The following NLRC4 variants were observed in gnomAD, a reference collection of about 807,000 sequenced individuals.
The protein encoded by NLRC4 is NLR family CARD domain-containing protein 4.
Under a neutral mutation model 79.9 loss-of-function variants are expected in NLRC4, and 63 were observed. The observed-to-expected ratio is 0.79, with a 90% CI of 0.64 to 0.97. The LOEUF (loss-of-function observed/expected upper bound fraction) is 0.97, where lower values mean the gene tolerates loss of function less well. Ranked by LOEUF, NLRC4 falls within the 50% of genes least tolerant of loss-of-function variation. The probability of loss-of-function intolerance (pLI) is 0.00; values close to 1 mark genes in which losing one functional copy is unlikely to be tolerated. For missense variants in NLRC4, 1,074 were observed against 1,215.2 expected (o/e 0.88, Z 1.73); for synonymous variants, 461 against 456.5 (o/e 1.01, Z -0.12).
chr2:32,228,145 G>C (rs1193672360), intron 8 of NLRC4, among the ~76,000 whole-genome samples: 2 of 152,208 alleles, frequency 1.3e-5, no homozygotes, highest in Non-Finnish European at 2.9e-5. Context: ...TTACAAAATA[G>C]TGTGAAGACA....
intron 8 of NLRC4, among the ~76,000 whole-genome samples, chr2:32,231,087 T>G (rs1686521780): frequency 6.6e-6 from 1 of 152,236 alleles, no homozygotes; most frequent in South Asian, 2.1e-4. Flanking sequence ...TGGTGAAATG[T>G]CTGTTCAGAT....
intron 2 of NLRC4, among the ~76,000 whole-genome samples, chr2:32,256,415 C>A (rs1409512412): frequency 6.6e-6 from 1 of 152,064 alleles, no homozygotes; most frequent in Non-Finnish European, 1.5e-5. Flanking sequence ...CAGGTCTACA[C>A]CCAGCCATTT....
Position 32,250,001 on chromosome 2 carries a change from C to T in NLRC4, c.1863G>A (p.Met621Ile), listed in dbSNP as rs771426890. The T allele has an allele frequency of 2.5e-6, 4 of 1,614,112 alleles. No homozygotes were observed. In the South Asian group the frequency reaches 4.4e-5, roughly 18 times the overall value. Residue 621 changes from methionine to isoleucine, a missense_variant, in exon 4 of 9, where the codon ATG (methionine) becomes ATA (isoleucine). Physicochemically the swap from Met to Ile is conservative, Grantham distance 10 (BLOSUM62 1). Transcript: ENST00000402280. The surrounding 1 kb of genome is among the most constrained non-coding windows in gnomAD (Gnocchi z 4.9). ...CTTCTGCAGCCTTTTCCCATGAAGC[C>T]ATAGCTCCCCCATAAAAGTCCAGTT... ...FIKLDFYGGA[M>I]ASWEKAAEDT...
chr2:32,248,233 T>G (rs566809580), intron 4 of NLRC4, among the ~76,000 whole-genome samples: 116 of 152,244 alleles, frequency 7.6e-4, no homozygotes, highest in African/African-American at 2.7e-3. Context: ...ATTATAGCTG[T>G]AAACTAAAAA....
At chr2:32,233,337 ATATATATATATATTTTTTTT>A (rs1316619998) in intron 8 of NLRC4, among the ~76,000 whole-genome samples, 5 of 42,706 alleles carry the variant, frequency 1.2e-4, no homozygotes, top group African/African-American at 5.0e-4. Flanking sequence ...ATATATATAT[ATATATATATATATTTTTTTT>A]TTTTTTTTTT....
At chr2:32,240,153 G>A (rs375707776) in intron 5 of NLRC4, among the ~76,000 whole-genome samples, 2 of 151,882 alleles carry the variant, frequency 1.3e-5, no homozygotes, top group East Asian at 3.9e-4. Context: ...GCTAATTTTT[G>A]TATTTTTAGT....
At chr2:32,255,113 A>G (rs1687175092) in intron 2 of NLRC4, among the ~76,000 whole-genome samples, 1 of 151,928 alleles carries the variant, frequency 6.6e-6, no homozygotes, top group African/African-American at 2.4e-5. Flanking sequence ...ATGTCCTGCA[A>G]GAGTCCCATC....
intron 8 of NLRC4, among the ~76,000 whole-genome samples, chr2:32,230,413 C>T (rs1168825155): frequency 6.6e-6 from 1 of 151,616 alleles, no homozygotes; most frequent in East Asian, 1.9e-4. Context: ...GACCCACCCG[C>T]CTTGGCCTCT....
At position 32,238,273 on chromosome 2, in the gene NLRC4, A is replaced by G. The variant is rs140154587; in HGVS notation, c.2380T>C (p.Cys794Arg). Residue 794 changes from cysteine to arginine, a missense_variant, in exon 6 of 9, where the codon TGT (cysteine) becomes CGT (arginine). Cys to Arg is a radical substitution (Grantham distance 180). Transcript: ENST00000402280. ...GACAAGTGGGTCAAATGAAATAAACACATCTTCTTCAGGTTTTTCAGGCCT... is the reference window on the plus strand; with the variant it reads ...GACAAGTGGGTCAAATGAAATAAACGCATCTTCTTCAGGTTTTTCAGGCCT... ...AEGLKNLKKM[C>R]LFHLTHLSDI... 49 of 1,611,710 alleles carry G rather than the reference A, an allele frequency of 3.0e-5. No homozygotes were observed. In the African/African-American group the frequency reaches 5.7e-4, roughly 19 times the overall value.
intron 8 of NLRC4, 64 bp from the exon 9 acceptor site, chr2:32,224,829 G>T (rs1686337255): frequency 4.4e-6 from 4 of 915,246 alleles, no homozygotes; most frequent in East Asian, 2.7e-5. Flanking sequence ...AGAGAAATAG[G>T]TTCTACATTT....
chr2:32,250,082 G>A lies in NLRC4; in HGVS notation c.1782C>T (p.Tyr594=). 1.2e-6 allele frequency: 2 copies of A among 1,614,218 alleles called. No individual in the cohort carries two copies. The highest frequency in any genetic ancestry group is 1.7e-6 in the Non-Finnish European group (2 of 1,180,036). Residue 594 remains tyrosine (Y), a synonymous_variant, in exon 4 of 9, where the codon TAC becomes TAT. Coordinates refer to ENST00000402280, the MANE Select transcript of NLRC4 (RefSeq NM_001199138.2). The surrounding 1 kb of genome is among the most constrained non-coding windows in gnomAD (Gnocchi z 4.9). ...GCAAATGTTCAAAGAAGTCAAATAA[G>A]TAATCGGGGATGTTCCCTGAGTTGA... ...LYINSGNIPD[Y]LFDFFEHLPN... is the part of the protein sequence containing the mutation.
At chr2:32,246,578 T>G (rs1239719005) in intron 4 of NLRC4, among the ~76,000 whole-genome samples, 1 of 152,228 alleles carries the variant, frequency 6.6e-6, no homozygotes, top group Non-Finnish European at 1.5e-5. Context: ...TTCCCATGGC[T>G]TCACACCACA....
intron 1 of NLRC4, among the ~76,000 whole-genome samples, chr2:32,260,253 A>G (rs1293654197): frequency 6.7e-6 from 1 of 149,652 alleles, no homozygotes; most frequent in Non-Finnish European, 1.5e-5. Flanking sequence ...AAAAAAAACT[A>G]GAGTTTATTT....
At chr2:32,261,316 C>CCCCCTTTTTTTTT in intron 1 of NLRC4, among the ~76,000 whole-genome samples, 1 of 96,884 alleles carries the variant, frequency 1.0e-5, no homozygotes, top group Non-Finnish European at 2.1e-5. Flanking sequence ...AGCCTCCCCC[C>CCCCCTTTTTTTTT]TTTTGTTTTT....
chr2:32,236,714 A>G (rs1289878839), intron 6 of NLRC4, among the ~76,000 whole-genome samples: 2 of 152,230 alleles, frequency 1.3e-5, no homozygotes, highest in African/African-American at 4.8e-5. Context: ...AGTTGCTTCA[A>G]TTATAAAATG....
rs61754192 is a variant in NLRC4 at position 32,224,763 on chromosome 2, C to A, written c.2785G>T (p.Ala929Ser). The A allele has an allele frequency of 0.011, 16,406 of 1,550,250 alleles. 103 individuals carry two copies. The highest frequency in any genetic ancestry group is 0.013 in the Non-Finnish European group (14,497 of 1,149,282). ...TTCAGAGGGTTCTTTCCAAAAAATG[C>A]ACCTGGGTAAAGAAATAAGTATATT... ...LTDTEIRILG[A>S]FFGKNPLKNF... is the part of the protein sequence containing the mutation. The change falls in exon 9 of 9, where the codon GCA becomes TCA. Residue 929 changes from alanine (A) to serine (S), a missense_variant and splice_region_variant. Ala to Ser is a moderately conservative substitution (Grantham distance 99). Coordinates refer to ENST00000402280, the MANE Select transcript of NLRC4 (RefSeq NM_001199138.2).
chr2:32,261,521 A>T (rs1252799741), intron 1 of NLRC4, among the ~76,000 whole-genome samples: 1 of 148,468 alleles, frequency 6.7e-6, no homozygotes, highest in Admixed American at 6.7e-5. Context: ...CATGTTGGCC[A>T]GGATGGTCTC....
intron 5 of NLRC4, among the ~76,000 whole-genome samples, chr2:32,240,167 G>C (rs1205442600): frequency 6.6e-6 from 1 of 152,032 alleles, no homozygotes; most frequent in African/African-American, 2.4e-5. Context: ...TTTTAGTAGA[G>C]ACAGGGTTTC....
intron 5 of NLRC4, among the ~76,000 whole-genome samples, chr2:32,240,311 T>A (rs1686767287): frequency 6.6e-6 from 1 of 151,390 alleles, no homozygotes; most frequent in Non-Finnish European, 1.5e-5. Flanking sequence ...AGGCTAGAGT[T>A]GTCTTTCGGC....
Sources: allele counts gnomAD v4.1 joint callset (sites outside exome capture counted in the v4.1 genomes callset), GRCh38; gene constraint gnomAD v4.1.1; non-coding constraint Gnocchi (gnomAD v3.1); transcripts MANE v1.5; gene names NCBI Gene and HGNC (gene_info 2026-07-23, HGNC 2026-07-21).